Variants in RXFP1 observed in about 807,000 individuals in gnomAD.
The protein encoded by RXFP1 is relaxin family peptide receptor 1, also known as relaxin receptor 1.
A neutral mutation model predicts 89.8 loss-of-function variants in RXFP1; 73 were observed. That is an observed-to-expected ratio of 0.81 (90% CI 0.67 to 0.99). The LOEUF (loss-of-function observed/expected upper bound fraction) is 0.99, where lower values mean the gene tolerates loss of function less well. Ranked by LOEUF, RXFP1 falls within the 50% of genes least tolerant of loss-of-function variation. The pLI is 0.00. For missense variants in RXFP1, 793 were observed against 895.5 expected (o/e 0.89, Z 1.46); for synonymous variants, 277 against 305.5 (o/e 0.91, Z 0.97).
intron 1 of RXFP1, among the ~76,000 whole-genome samples, chr4:158,556,961 G>T (rs1751443212): frequency 6.6e-6 from 1 of 152,092 alleles, no homozygotes. Context: ...TTGGTCAAAG[G>T]ATACAAAGTT....
intron 1 of RXFP1, among the ~76,000 whole-genome samples, chr4:158,539,152 A>C (rs1745989891): frequency 6.6e-6 from 1 of 152,212 alleles, no homozygotes; most frequent in Non-Finnish European, 1.5e-5. Flanking sequence ...CAGTGGCAAC[A>C]GAAACTACTT....
At chr4:158,596,493 C>T (rs1760638927) in intron 3 of RXFP1, among the ~76,000 whole-genome samples, 1 of 152,110 alleles carries the variant, frequency 6.6e-6, no homozygotes, top group South Asian at 2.1e-4. Context: ...CTCCCAACCT[C>T]AGGTGATCCA....
intron 1 of RXFP1, among the ~76,000 whole-genome samples, chr4:158,569,422 G>A (rs1754562025): frequency 6.6e-6 from 1 of 152,136 alleles, no homozygotes; most frequent in African/African-American, 2.4e-5. Flanking sequence ...GTAAACTACG[G>A]ACTTTGACTG....
In RXFP1 at chr4:158,638,492, G is replaced by C. The variant is rs1769672313; in HGVS notation, c.1043+413G>C. On this transcript the variant is annotated intron_variant, in intron 13 of 17. Transcript: ENST00000307765. ...ACACAAAAAGACAAAAATTCTGTTA[G>C]AGCCAAAGAATTGCCTTAAAAGATA... is the stretch of plus-strand genomic sequence containing the variant. Among the ~76,000 whole-genome samples, 6 of 152,218 alleles carry C rather than the reference G, an allele frequency of 3.9e-5. No individual in the cohort carries two copies. The South Asian group carries it at 1.2e-3, about 32-fold the overall frequency.
intron 1 of RXFP1, among the ~76,000 whole-genome samples, chr4:158,572,145 T>G (rs764985890): frequency 2.0e-4 from 30 of 152,180 alleles, no homozygotes; most frequent in Non-Finnish European, 3.1e-4. Flanking sequence ...AAACCCTCTC[T>G]TGGGCCACCG....
chr4:158,578,842 A>G (rs1298550657), intron 2 of RXFP1, among the ~76,000 whole-genome samples: 1 of 151,826 alleles, frequency 6.6e-6, no homozygotes, highest in Non-Finnish European at 1.5e-5. Flanking sequence ...ACATATTACC[A>G]ATTCTATAAC....
intron 1 of RXFP1, among the ~76,000 whole-genome samples, chr4:158,532,594 A>C (rs1001948084): frequency 2.2e-4 from 33 of 152,300 alleles, no homozygotes; most frequent in African/African-American, 7.2e-4. Context: ...GCTACTCATG[A>C]GGGTTAACTC....
chr4:158,550,078 C>T (rs1195910278), intron 1 of RXFP1, among the ~76,000 whole-genome samples: 2 of 152,234 alleles, frequency 1.3e-5, no homozygotes, highest in Non-Finnish European at 2.9e-5. Context: ...GGCAGGCCTC[C>T]TTGAGCTGTG....
chr4:158,533,638 T>A (rs184946563), intron 1 of RXFP1, among the ~76,000 whole-genome samples: 1 of 152,322 alleles, frequency 6.6e-6, no homozygotes, highest in East Asian at 1.9e-4. Flanking sequence ...TATCTTCATT[T>A]GGTCGTTTAT....
At chr4:158,623,342 CAAAAA>C (rs35034196) in intron 9 of RXFP1, among the ~76,000 whole-genome samples, 1 of 106,332 alleles carries the variant, frequency 9.4e-6, no homozygotes, top group Non-Finnish European at 2.1e-5. Flanking sequence ...CTACTAAATA[CAAAAA>C]AAAAAAAAAA....
intron 1 of RXFP1, among the ~76,000 whole-genome samples, chr4:158,535,667 T>C (rs369648948): frequency 6.6e-6 from 1 of 152,376 alleles, no homozygotes; most frequent in East Asian, 1.9e-4. Flanking sequence ...GGGACCTTAA[T>C]ACATTTTTAA....
chr4:158,651,727 C>G (rs375790445), intron 17 of RXFP1, 30 bp from the exon 18 acceptor site: 71 of 1,542,728 alleles, frequency 4.6e-5, no homozygotes, highest in Non-Finnish European at 6.1e-5. Flanking sequence ...CATCTATAAA[C>G]ACTAAAACTA....
chr4:158,629,675 G>A (rs1292505114), intron 11 of RXFP1, among the ~76,000 whole-genome samples: 3 of 151,850 alleles, frequency 2.0e-5, no homozygotes, highest in Non-Finnish European at 4.4e-5. Flanking sequence ...TGCCCAAGCT[G>A]AAGTGCAATG....
intron 2 of RXFP1, 141 bp downstream of exon 2, chr4:158,572,976 T>A: frequency 8.1e-7 from 1 of 1,234,198 alleles, no homozygotes; most frequent in Non-Finnish European, 1.1e-6. Flanking sequence ...TTACACTTAT[T>A]TCAGTAGCTT....
intron 9 of RXFP1, 30 bp downstream of exon 9, chr4:158,617,235 T>A (rs1349775975): frequency 1.3e-5 from 20 of 1,527,902 alleles, no homozygotes; most frequent in Non-Finnish European, 1.7e-5. Context: ...TTTAAAGAAC[T>A]CAACTAAATT....
At chr4:158,607,482 A>G (rs1318437441) in intron 5 of RXFP1, among the ~76,000 whole-genome samples, 1 of 152,192 alleles carries the variant, frequency 6.6e-6, no homozygotes, top group Non-Finnish European at 1.5e-5. Flanking sequence ...AACATCATAC[A>G]CTTTTAGGTT....
intron 1 of RXFP1, chr4:158,543,625 C>A (rs977408442): frequency 8.0e-6 from 3 of 373,370 alleles, no homozygotes; most frequent in African/African-American, 6.6e-5. Context: ...TCCCTGAGCC[C>A]TCCCAGTCAG....
chr4:158,577,375 T>C (rs1756475601), intron 2 of RXFP1, among the ~76,000 whole-genome samples: 1 of 152,160 alleles, frequency 6.6e-6, no homozygotes, highest in South Asian at 2.1e-4. Context: ...GTAAATTCTG[T>C]TTAATACTAA....
At chr4:158,584,126 G>A (rs768381335) in intron 2 of RXFP1, among the ~76,000 whole-genome samples, 1 of 152,082 alleles carries the variant, frequency 6.6e-6, no homozygotes, top group Non-Finnish European at 1.5e-5. Flanking sequence ...GACTAAATAC[G>A]TGAGAATCAG....
Sources: gnomAD v4.1 joint callset for allele counts (sites outside exome capture counted in the v4.1 genomes callset) on GRCh38, gnomAD v4.1.1 for gene constraint, MANE v1.5 for transcripts, NCBI Gene and HGNC (gene_info 2026-07-23, HGNC 2026-07-21) for gene names.